PACSIN2: variants seen among roughly 807,000 people sequenced by gnomAD.
The protein encoded by PACSIN2 is protein kinase C and casein kinase substrate in neurons protein 2.
A neutral mutation model predicts 63.8 loss-of-function variants in PACSIN2; 25 were observed. The observed-to-expected ratio is 0.39, with a 90% CI of 0.29 to 0.55. PACSIN2 has a LOEUF of 0.55. PACSIN2 is among the 20% of genes least tolerant of loss of function. The pLI is 0.62. For missense variants in PACSIN2, 518 were observed against 646.9 expected, an observed-to-expected ratio of 0.80 and a Z score of 2.16; for synonymous variants, 255 against 256.2, an observed-to-expected ratio of 1.00 and a Z score of 0.05.
At chr22:42,930,168 T>C (rs1369870427) in intron 1 of PACSIN2, among the ~76,000 whole-genome samples, 1 of 152,254 alleles carries the variant, frequency 6.6e-6, no homozygotes, top group Non-Finnish European at 1.5e-5. Context: ...TCTAGGTCTC[T>C]GACAGTGTGG....
intron 1 of PACSIN2, among the ~76,000 whole-genome samples, chr22:42,971,900 C>T (rs1921336506): frequency 6.7e-6 from 1 of 148,668 alleles, no homozygotes; most frequent in Non-Finnish European, 1.5e-5. Context: ...GGGGGGCAGC[C>T]TCCACCCGGC....
chr22:42,911,313 G>A (rs535969416), intron 2 of PACSIN2, among the ~76,000 whole-genome samples: 3 of 151,922 alleles, frequency 2.0e-5, no homozygotes, highest in East Asian at 1.9e-4. Context: ...AGTAGGCTGA[G>A]GTGGGAGGAT....
Position 42,939,815 on chromosome 22 carries a change from T to C in PACSIN2, c.-77-27658A>G, listed in dbSNP as rs561581050. On this transcript the variant is annotated intron_variant, in intron 1 of 10. Transcript: ENST00000263246. ...TCTCAGGGTGAACGAAAGGTCATTA[T>C]CACTGCATCCTCTAGTCATTTGCTT... Among the ~76,000 whole-genome samples the C allele has an allele frequency of 1.8e-4, 27 of 152,342 alleles. No homozygotes were observed. The East Asian group carries it at 5.0e-3, about 28-fold the overall frequency.
chr22:43,014,237 G>A (rs929427587), intron 1 of PACSIN2, among the ~76,000 whole-genome samples: 2 of 150,628 alleles, frequency 1.3e-5, no homozygotes, highest in Admixed American at 6.6e-5. Context: ...TCTGAGGAGG[G>A]TCACAAGGGC....
intron 2 of PACSIN2, among the ~76,000 whole-genome samples, chr22:42,910,422 C>T (rs2267469): frequency 0.23 from 34,843 of 152,184 alleles, 7,059 homozygotes; most frequent in East Asian, 0.73. Context: ...GCTCCATAAG[C>T]GCTCCTGCAC....
chr22:42,980,362 A>T (rs1364175689), intron 1 of PACSIN2, among the ~76,000 whole-genome samples: 1 of 152,064 alleles, frequency 6.6e-6, no homozygotes, highest in African/African-American at 2.4e-5. Flanking sequence ...AAAAATCAAA[A>T]ACACTAGCTT....
chr22:42,893,329 G>A (rs1440922645), intron 3 of PACSIN2, 128 bp downstream of exon 3: 10 of 952,324 alleles, frequency 1.1e-5, no homozygotes, highest in Non-Finnish European at 1.6e-5. Flanking sequence ...CTCTGGAACT[G>A]GGAAATGCAC....
chr22:42,952,672 T>A (rs989711436), intron 1 of PACSIN2, among the ~76,000 whole-genome samples: 7 of 149,844 alleles, frequency 4.7e-5, no homozygotes, highest in East Asian at 2.0e-4. Flanking sequence ...TATTTATTTT[T>A]TTTTTTTTGA....
intron 10 of PACSIN2, among the ~76,000 whole-genome samples, chr22:42,874,253 G>A (rs1374054915): frequency 6.6e-6 from 1 of 151,054 alleles, no homozygotes; most frequent in Admixed American, 6.6e-5. Context: ...GATCAAGGCT[G>A]CAGCTGCTGT....
chr22:42,911,977 T>G, intron 2 of PACSIN2, 44 bp downstream of exon 2: 1 of 1,455,808 alleles, frequency 6.9e-7, no homozygotes. Flanking sequence ...CCAGACACTA[T>G]TGGCCTGGCC....
chr22:42,956,945 AC>A (rs2146841314), intron 1 of PACSIN2, among the ~76,000 whole-genome samples: 1 of 152,352 alleles, frequency 6.6e-6, no homozygotes, highest in South Asian at 2.1e-4. Context: ...TCAATTATAC[AC>A]TAAGAAAAGG....
chr22:42,936,941 T>G (rs1350579561), intron 1 of PACSIN2, among the ~76,000 whole-genome samples: 1 of 150,834 alleles, frequency 6.6e-6, no homozygotes. Flanking sequence ...GGGCAGTAAA[T>G]TAAATTAGCA....
chr22:42,981,509 C>G (rs1372555924), intron 1 of PACSIN2, among the ~76,000 whole-genome samples: 2 of 79,880 alleles, frequency 2.5e-5, no homozygotes, highest in East Asian at 1.4e-3. Context: ...GCCGCCCCGT[C>G]CGGGAGGGAG....
At chr22:42,955,567 C>T (rs1341430959) in intron 1 of PACSIN2, among the ~76,000 whole-genome samples, 1 of 152,158 alleles carries the variant, frequency 6.6e-6, no homozygotes, top group Non-Finnish European at 1.5e-5. Flanking sequence ...TTCCACCATC[C>T]CAAATGCAAA....
At chr22:42,960,465 G>A (rs1270918153) in intron 1 of PACSIN2, among the ~76,000 whole-genome samples, 1 of 152,168 alleles carries the variant, frequency 6.6e-6, no homozygotes, top group Non-Finnish European at 1.5e-5. Context: ...CAGCACGACT[G>A]TCTCCTAAGA....
intron 1 of PACSIN2, among the ~76,000 whole-genome samples, chr22:42,986,263 G>A (rs900134327): frequency 1.1e-4 from 17 of 152,256 alleles, no homozygotes; most frequent in Admixed American, 8.5e-4. Flanking sequence ...AAGCAAAACC[G>A]TGCCACTGCG....
chr22:42,923,276 C>T (rs1407566732), intron 1 of PACSIN2, among the ~76,000 whole-genome samples: 1 of 152,172 alleles, frequency 6.6e-6, no homozygotes, highest in African/African-American at 2.4e-5. Context: ...AGTCTATTCT[C>T]AACACGGTGA....
At chr22:42,884,795 C>T (rs183277569) in intron 5 of PACSIN2, among the ~76,000 whole-genome samples, 33 of 152,356 alleles carry the variant, frequency 2.2e-4, no homozygotes, top group Non-Finnish European at 3.4e-4. Flanking sequence ...AGGTAGATGC[C>T]GGCAAAGGGC....
intron 1 of PACSIN2, among the ~76,000 whole-genome samples, chr22:43,005,154 T>C (rs779938420): frequency 1.6e-4 from 24 of 152,254 alleles, no homozygotes; most frequent in Non-Finnish European, 3.2e-4. Flanking sequence ...GTTATCTTAA[T>C]ACAATTTCAC....
Sources: gnomAD v4.1 joint callset for allele counts (sites outside exome capture counted in the v4.1 genomes callset) on GRCh38, gnomAD v4.1.1 for gene constraint, MANE v1.5 for transcripts, NCBI Gene and HGNC (gene_info 2026-07-23, HGNC 2026-07-21) for gene names.